The following MYBPC3 variants were observed in gnomAD, a reference collection of about 807,000 sequenced individuals.
MYBPC3 encodes myosin-binding protein C, cardiac-type.
A neutral mutation model predicts 159.3 loss-of-function variants in MYBPC3; 108 were observed. The ratio of observed to expected loss-of-function variants is 0.68; its 90% CI spans 0.58 to 0.80. The LOEUF (loss-of-function observed/expected upper bound fraction) is 0.80. Among genes scored for constraint, MYBPC3 ranks in the 30% least tolerant of loss-of-function variants. The pLI is 0.00. For missense variants in MYBPC3, 1,631 were observed against 1,762.1 expected (o/e 0.93, Z 1.33); for synonymous variants, 730 against 702.0 (o/e 1.04, Z -0.63).
rs368221517 is a variant in MYBPC3, at chr11:47,332,214, G to A, written c.3672C>T (p.Asp1224=). 127 of 1,613,834 alleles carry A rather than the reference G, an allele frequency of 7.9e-5. No homozygotes were observed. In the African/African-American group the frequency reaches 1.3e-3, roughly 17 times the overall value. Residue 1224 remains aspartate, a synonymous_variant, in exon 33 of 35, where the codon GAC becomes GAT. Coordinates refer to ENST00000545968, the MANE Select transcript of MYBPC3 (RefSeq NM_000256.3). The surrounding 1 kb of genome is among the most constrained non-coding windows in gnomAD (Gnocchi z 4.2). The part of the protein sequence containing the change: ...WFKNGLDLGE[D]ARFRMFSKQG... ...GCTTGCTGAACATGCGGAAGCGGGC[G>A]TCTTCTCCCAGGTCCAGGCCATTCT...
chr11:47,343,202 G>C, intron 14 of MYBPC3, 57 bp from the exon 15 acceptor site: 1 of 1,589,688 alleles, frequency 6.3e-7, no homozygotes, highest in East Asian at 2.3e-5. Flanking sequence ...TCCGGGCCCA[G>C]TGCGCCCCAT....
intron 9 of MYBPC3, 21 bp downstream of exon 9, chr11:47,347,405 G>A: frequency 6.4e-7 from 1 of 1,572,866 alleles, no homozygotes; most frequent in East Asian, 2.4e-5. Flanking sequence ...GCTGCCCCAG[G>A]AACTGCCACC....
chr11:47,350,144 G>A (rs1237649335), intron 3 of MYBPC3, 32 bp from the exon 4 acceptor site: 21 of 1,543,882 alleles, frequency 1.4e-5, no homozygotes, highest in Non-Finnish European at 1.8e-5. Context: ...GTTTGTTTGA[G>A]ATGGAGTCTT....
In MYBPC3 at chr11:47,332,835, G is replaced by A; in HGVS notation, c.3469C>T (p.Pro1157Ser). Reference protein sequence around the residue: ...FSDRAATTKEPVFIPRPGITY... With the variant: ...FSDRAATTKESVFIPRPGITY... The stretch of plus-strand genomic sequence containing the variant: ...GCACCTGGTCTGGGGATAAAGACGG[G>A]CTCCTTGGTGGTGGCCGCTCTGTCA... Residue 1157 changes from proline (P) to serine (S), a missense_variant, in exon 31 of 35, where the codon CCC becomes TCC. Coordinates refer to ENST00000545968, the MANE Select transcript of MYBPC3 (RefSeq NM_000256.3). This position sits in a 1 kb window ranked among gnomAD's most constrained non-coding sequence, Gnocchi z 4.2. 1.9e-6 allele frequency: 3 copies of A among 1,607,244 alleles called. No individual in the cohort carries two copies. The highest frequency in any genetic ancestry group is 2.5e-6 in the Non-Finnish European group (3 of 1,176,940).
At chr11:47,352,413 G>A (rs1297805475) in intron 1 of MYBPC3, among the ~76,000 whole-genome samples, 1 of 152,048 alleles carries the variant, frequency 6.6e-6, no homozygotes, top group Non-Finnish European at 1.5e-5. Context: ...CTGCGTCCCT[G>A]ACCTTGGGTT....
intron 20 of MYBPC3, 54 bp from the exon 21 acceptor site, chr11:47,339,844 G>A: frequency 6.3e-7 from 1 of 1,590,416 alleles, no homozygotes; most frequent in South Asian, 1.1e-5. Flanking sequence ...AGGAGCACAG[G>A]TCACTGGGGC....
Position 47,346,397 on chromosome 11 carries a change from C to G in MYBPC3, c.927-27G>C, listed in dbSNP as rs530908488. ...TGTGTCCCGCAGTCTAGGCTGTGGC[C>G]GGGGGCAAGACTGCAGCCCCCTGGG... On this transcript the variant is annotated intron_variant, in intron 11 of 34. Coordinates refer to ENST00000545968, the MANE Select transcript of MYBPC3 (RefSeq NM_000256.3). This position sits in a 1 kb window ranked among gnomAD's most constrained non-coding sequence, Gnocchi z 5.3. The G allele has an allele frequency of 1.2e-4, 184 of 1,535,350 alleles. 1 individual carries two copies. The South Asian group carries it at 2.2e-3, about 18-fold the overall frequency.
At chr11:47,337,852 G>A (rs2095884103) in intron 23 of MYBPC3, 58 bp from the exon 24 acceptor site, 15 of 1,457,324 alleles carry the variant, frequency 1.0e-5, no homozygotes, top group Middle Eastern at 1.7e-4. Flanking sequence ...CTTGAGTAAC[G>A]TTGCTCGTCC....
rs1290069260 is a variant in MYBPC3, at chr11:47,349,861, G to C, written c.567C>G (p.Val189=). ...AGASLLKPPV[V]KWFKGKWVDL... ...CCACCCATTTGCCCTTGAACCACTT[G>C]ACCACAGGCGGCTTCAGGAGGCTGG... The change falls in exon 5 of 35, where the codon GTC becomes GTG. Residue 189 remains valine, a synonymous_variant. Coordinates refer to ENST00000545968, the MANE Select transcript of MYBPC3 (RefSeq NM_000256.3). 3.1e-6 allele frequency: 5 copies of C among 1,612,574 alleles called. No homozygotes were observed. The Admixed American group carries it at 5.0e-5, about 16-fold the overall frequency.
chr11:47,339,854 C>A, intron 20 of MYBPC3, 64 bp from the exon 21 acceptor site: 3 of 1,558,056 alleles, frequency 1.9e-6, no homozygotes, highest in Non-Finnish European at 1.8e-6. Flanking sequence ...GTCACTGGGG[C>A]GGGGCTGCTC....
In MYBPC3 at chr11:47,338,619, T is replaced by C. The variant is rs952830099; in HGVS notation, c.2209A>G (p.Thr737Ala). The change falls in exon 23 of 35, where the codon ACG becomes GCG. Residue 737 changes from threonine (T) to alanine (A), a missense_variant. By Grantham distance (58) the Thr-to-Ala change is moderately conservative (BLOSUM62 0). Coordinates refer to ENST00000545968, the MANE Select transcript of MYBPC3 (RefSeq NM_000256.3). This position sits in a 1 kb window ranked among gnomAD's most constrained non-coding sequence, Gnocchi z 4.7. ...VETTKDRSIF[T>A]VEGAEKEDEG... ...TCTTCCTTCTCTGCCCCCTCGACCG[T>C]GAAGATGCTGCGGTCCTTGGTGGTC... The C allele has an allele frequency of 7.4e-6, 12 of 1,613,962 alleles. No individual in the cohort carries two copies. The highest frequency in any genetic ancestry group is 1.0e-5 in the Non-Finnish European group (12 of 1,179,890).
chr11:47,340,222 TACACGC>T (rs1205502664), intron 20 of MYBPC3, among the ~76,000 whole-genome samples: 1 of 138,346 alleles, frequency 7.2e-6, no homozygotes, highest in Non-Finnish European at 1.5e-5. Flanking sequence ...TACACATACA[TACACGC>T]ACACACACAG....
chr11:47,339,613 T>A lies in MYBPC3; in HGVS notation c.2067+38A>T, dbSNP rs371297120. 2.9e-3 allele frequency: 4,500 copies of A among 1,535,720 alleles called. 24 individuals carry two copies. The highest frequency in any genetic ancestry group is 5.7e-3 in the Middle Eastern group (33 of 5,830). Reference sequence around the variant, plus strand: ...GCACTTGGCTGGTTCCACACACCCATCTTATAGATGGGGAGACTGAGGAGG... The same window carrying A: ...GCACTTGGCTGGTTCCACACACCCAACTTATAGATGGGGAGACTGAGGAGG... On this transcript the variant is annotated intron_variant, in intron 21 of 34. Transcript: ENST00000545968.
chr11:47,348,922 A>ATATATATATATATATATATT (rs2095897423), intron 5 of MYBPC3, among the ~76,000 whole-genome samples: 3 of 126,502 alleles, frequency 2.4e-5, no homozygotes, highest in Non-Finnish European at 5.1e-5. Context: ...ATATATATAT[A>ATATATATATATATATATATT]TATATTTAAA....
intron 13 of MYBPC3, 79 bp downstream of exon 13, chr11:47,343,413 G>A (rs3021118): frequency 6.6e-6 from 10 of 1,507,496 alleles, no homozygotes; most frequent in Middle Eastern, 2.0e-4. Flanking sequence ...TCAGAGATAC[G>A]CATGTGGAGA....
Position 47,337,794 on chromosome 11 carries a change from T to G in MYBPC3, c.2309A>C (p.Asp770Ala). ...GGGGGCCGCAGGTGCGTCTGGCACG[T>G]CTGGATGGGGTGGGATGGACCCACA... ...DQVNLTVKVI[D>A]VPDAPAAPKI... is the part of the protein sequence containing the mutation. Residue 770 changes from aspartate (D) to alanine (A), a missense_variant and splice_region_variant, in exon 24 of 35, where the codon GAC (aspartate) becomes GCC (alanine). Coordinates refer to ENST00000545968, the MANE Select transcript of MYBPC3 (RefSeq NM_000256.3). 6.4e-7 allele frequency: 1 copy of G among 1,550,844 alleles called. No homozygotes were observed. The highest frequency in any genetic ancestry group is 8.7e-7 in the Non-Finnish European group (1 of 1,147,192).
In MYBPC3 at chr11:47,331,905, C is replaced by T. The variant is rs756794486; in HGVS notation, c.3815-24G>A. On this transcript the variant is annotated intron_variant, in intron 33 of 34. Coordinates refer to ENST00000545968, the MANE Select transcript of MYBPC3 (RefSeq NM_000256.3). ...CACTGCAGAAGAGGAGGCCATGTCACTGTGTCCTCCCAGCCTTCTGGAAGC... is the reference window on the plus strand; with the variant it reads ...CACTGCAGAAGAGGAGGCCATGTCATTGTGTCCTCCCAGCCTTCTGGAAGC... 3 of 1,608,766 alleles carry T rather than the reference C, an allele frequency of 1.9e-6. No homozygotes were observed. The African/African-American group carries it at 4.0e-5, about 21-fold the overall frequency.
At position 47,341,253 on chromosome 11, in the gene MYBPC3, G is replaced by T. The variant is rs776017963; in HGVS notation, c.1791-9C>A. The T allele has an allele frequency of 1.9e-6, 3 of 1,568,266 alleles. No homozygotes were observed. The East Asian group carries it at 7.1e-5, about 37-fold the overall frequency. On this transcript the variant is annotated splice_polypyrimidine_tract_variant and intron_variant, in intron 18 of 34. Transcript: ENST00000545968. ...TGGTCAGTTTGTGGACCCTGCAGGG[G>T]AGCAGTGGCTCAGGGGACCCCACTG...
In MYBPC3 at chr11:47,346,449, G is replaced by A. The variant is rs904699682; in HGVS notation, c.927-79C>T. ...GGGGCTTCCTGGGCCCAGGACCAAG[G>A]AGCTGTAGCCACCCCTGTCCCTCTG... On this transcript the variant is annotated intron_variant, in intron 11 of 34. Transcript: ENST00000545968. This position sits in a 1 kb window ranked among gnomAD's most constrained non-coding sequence, Gnocchi z 5.3. The A allele has an allele frequency of 7.5e-6, 11 of 1,473,640 alleles. No individual in the cohort carries two copies. In the African/African-American group the frequency reaches 1.1e-4, roughly 15 times the overall value. 91.3% of individuals were successfully genotyped at this position (1,473,640 alleles called of 1,614,324 possible).
Sources: gnomAD v4.1 joint callset for allele counts (sites outside exome capture counted in the v4.1 genomes callset) on GRCh38, gnomAD v4.1.1 for gene constraint, Gnocchi (gnomAD v3.1) non-coding constraint, MANE v1.5 for transcripts, NCBI Gene and HGNC (gene_info 2026-07-23, HGNC 2026-07-21) for gene names.